Variants in MATN2 observed in about 807,000 individuals in gnomAD.
MATN2 encodes the protein matrilin 2.
A neutral mutation model predicts 103.2 loss-of-function variants in MATN2; 69 were observed. The observed-to-expected ratio is 0.67, with a 90% CI of 0.55 to 0.82. The LOEUF is 0.82. MATN2 is among the 40% of genes least tolerant of loss of function. MATN2 has a pLI of 0.00. For synonymous variants in MATN2, 429 were observed against 450.2 expected, an observed-to-expected ratio of 0.95 and a Z score of 0.60; for missense variants, 1,023 against 1,211.5, an observed-to-expected ratio of 0.84 and a Z score of 2.31.
chr8:97,998,671 A>AT lies in MATN2; in HGVS notation c.1204+4078dup, dbSNP rs201060634. On this transcript the variant is annotated intron_variant, in intron 7 of 18. Transcript: ENST00000254898. ...TTTTTATATTTTTAAAATTTTAAAA[A>AT]TTTTTTTTTATATTTTTAAAATTGT... Among the ~76,000 whole-genome samples the AT allele has an allele frequency of 6.7e-5, 10 of 148,954 alleles. No homozygotes were observed. The South Asian group carries it at 1.1e-3, about 16-fold the overall frequency.
At chr8:97,962,117 C>T (rs1244203408) in intron 5 of MATN2, among the ~76,000 whole-genome samples, 1 of 152,176 alleles carries the variant, frequency 6.6e-6, no homozygotes, top group Non-Finnish European at 1.5e-5. Flanking sequence ...CTGCAGACAT[C>T]CCCCCTGTTT....
At chr8:98,010,740 ATGAGGGACCCTCCCTTC>A (rs1327239091) in intron 10 of MATN2, among the ~76,000 whole-genome samples, 27 of 152,142 alleles carry the variant, frequency 1.8e-4, no homozygotes, top group African/African-American at 5.1e-4. Flanking sequence ...GGGCTGTCCT[ATGAGGGACCCTCCCTTC>A]TGCAAGCGGA....
chr8:97,931,599 G>A lies in MATN2; in HGVS notation c.712+77G>A. ...ATTCATCTTCAAGTGTTCATTCTGT[G>A]TTACTATGTCCCAGGTACTGTGCTG... On this transcript the variant is annotated intron_variant, in intron 3 of 18. Coordinates refer to ENST00000254898, the MANE Select transcript of MATN2 (RefSeq NM_002380.5). The surrounding 1 kb of genome is among the most constrained non-coding windows in gnomAD (Gnocchi z 4.1). The A allele has an allele frequency of 2.9e-6, 4 of 1,368,814 alleles. No individual in the cohort carries two copies. The highest frequency in any genetic ancestry group is 1.4e-5 in the South Asian group (1 of 71,254). The allele number at this position is 1,368,814 out of a possible 1,614,324, so 84.8% of individuals were successfully genotyped here.
intron 3 of MATN2, among the ~76,000 whole-genome samples, chr8:97,933,531 A>ACCCCCCC (rs946014541): frequency 1.9e-5 from 1 of 52,588 alleles, no homozygotes. Flanking sequence ...CCCTCCCCCC[A>ACCCCCCC]CCCCCGCAAT....
chr8:98,022,378 CAT>C (rs774295820), intron 13 of MATN2, among the ~76,000 whole-genome samples: 12 of 149,192 alleles, frequency 8.0e-5, no homozygotes, highest in South Asian at 2.2e-4. Context: ...CACACACACA[CAT>C]ACACACACCC....
chr8:97,902,565 A>G (rs1819025871), intron 2 of MATN2, among the ~76,000 whole-genome samples: 1 of 152,066 alleles, frequency 6.6e-6, no homozygotes, highest in Non-Finnish European at 1.5e-5. Context: ...TTTTATTCTC[A>G]TAGATCACAA....
chr8:97,982,402 T>TG lies in MATN2; in HGVS notation c.1081+3396dup, dbSNP rs1392808454. On this transcript the variant is annotated intron_variant, in intron 6 of 18. Transcript: ENST00000254898. This position sits in a 1 kb window ranked among gnomAD's most constrained non-coding sequence, Gnocchi z 4.3. The stretch of plus-strand genomic sequence containing the variant: ...CCACCAGCTTCCAGCCAAGTCGGCC[T>TG]GGTTACTGCTGTGATGTTGAAAGAT... 2.0e-5 allele frequency among the ~76,000 whole-genome samples: 3 copies of TG among 152,232 alleles called. No homozygotes were observed. Among genetic ancestry groups the TG allele is most frequent in the African/African-American group, 7.2e-5 (3 of 41,456 alleles).
intron 2 of MATN2, among the ~76,000 whole-genome samples, chr8:97,891,587 C>G (rs947169805): frequency 2.0e-5 from 3 of 152,118 alleles, no homozygotes; most frequent in South Asian, 2.1e-4. Context: ...ATCCTCCCCC[C>G]TCAGTCTCCC....
chr8:97,988,603 GCAA>G (rs1207957471), intron 6 of MATN2, among the ~76,000 whole-genome samples: 2 of 152,050 alleles, frequency 1.3e-5, no homozygotes, highest in African/African-American at 4.8e-5. Flanking sequence ...TCCAGCCTGG[GCAA>G]CAGAGTGAGA....
chr8:98,003,590 C>A (rs1049225588), intron 7 of MATN2, 71 bp from the exon 8 acceptor site: 1 of 1,587,130 alleles, frequency 6.3e-7, no homozygotes, highest in African/African-American at 1.3e-5. Flanking sequence ...CTCATGGGAG[C>A]CCCGAGGGGC....
intron 10 of MATN2, among the ~76,000 whole-genome samples, chr8:98,010,191 G>A (rs1813110336): frequency 1.3e-5 from 2 of 152,052 alleles, no homozygotes; most frequent in South Asian, 4.1e-4. Context: ...CAGGCCTGGT[G>A]CCTTCCAGCC....
intron 4 of MATN2, among the ~76,000 whole-genome samples, chr8:97,951,692 G>A (rs1810959098): frequency 6.6e-6 from 1 of 152,182 alleles, no homozygotes; most frequent in African/African-American, 2.4e-5. Flanking sequence ...TGTGACAACG[G>A]TTTGGAAATT....
intron 2 of MATN2, among the ~76,000 whole-genome samples, chr8:97,922,888 G>A (rs970287900): frequency 2.0e-5 from 3 of 152,080 alleles, no homozygotes; most frequent in African/African-American, 4.8e-5. Flanking sequence ...ATTGTATCCC[G>A]TTATTGTGTC....
At chr8:97,986,555 T>A (rs1477487337) in intron 6 of MATN2, among the ~76,000 whole-genome samples, 1 of 152,230 alleles carries the variant, frequency 6.6e-6, no homozygotes, top group African/African-American at 2.4e-5. Flanking sequence ...CCTGAGTTAC[T>A]TCACTTAGAA....
chr8:98,032,594 C>A (rs1165350229), intron 16 of MATN2, among the ~76,000 whole-genome samples: 1 of 152,000 alleles, frequency 6.6e-6, no homozygotes, highest in Admixed American at 6.6e-5. Context: ...TGCAGTGGTA[C>A]GATTTCAGCT....
At chr8:97,997,965 G>A (rs1246103817) in intron 7 of MATN2, among the ~76,000 whole-genome samples, 3 of 151,572 alleles carry the variant, frequency 2.0e-5, no homozygotes, top group East Asian at 2.0e-4. Context: ...GACTACAGGC[G>A]TGCACCATCA....
At chr8:97,955,676 G>T (rs1394538229) in intron 4 of MATN2, among the ~76,000 whole-genome samples, 1 of 152,184 alleles carries the variant, frequency 6.6e-6, no homozygotes, top group African/African-American at 2.4e-5. Context: ...TACAGGCACC[G>T]TAAGGAACAC....
intron 10 of MATN2, among the ~76,000 whole-genome samples, chr8:98,014,048 C>T (rs561073414): frequency 1.3e-5 from 2 of 152,136 alleles, no homozygotes; most frequent in East Asian, 3.9e-4. Context: ...GCCAAGGCTG[C>T]AGTGAACTGC....
At chr8:97,895,791 A>G (rs1818789463) in intron 2 of MATN2, among the ~76,000 whole-genome samples, 1 of 152,164 alleles carries the variant, frequency 6.6e-6, no homozygotes, top group South Asian at 2.1e-4. Flanking sequence ...CTGTAAGGTA[A>G]TTCTTGTTAT....
Sources: allele counts gnomAD v4.1 joint callset (sites outside exome capture counted in the v4.1 genomes callset), GRCh38; gene constraint gnomAD v4.1.1; non-coding constraint Gnocchi (gnomAD v3.1); transcripts MANE v1.5; gene names NCBI Gene and HGNC (gene_info 2026-07-23, HGNC 2026-07-21).